The following AQR variants were observed in gnomAD, a reference collection of about 807,000 sequenced individuals.
AQR encodes aquarius intron-binding spliceosomal factor.
Under a neutral mutation model 180.5 loss-of-function variants are expected in AQR, and 61 were observed. The observed-to-expected ratio is 0.34, with a 90% CI of 0.28 to 0.42. AQR has a LOEUF of 0.42. Ranked by LOEUF, AQR falls within the 10% of genes least tolerant of loss-of-function variation. The pLI, the probability that AQR is intolerant of heterozygous loss-of-function variation, is 1.00. For missense variants in AQR, 1,281 were observed against 1,798.3 expected, an observed-to-expected ratio of 0.71 and a Z score of 5.20; for synonymous variants, 551 against 588.8, an observed-to-expected ratio of 0.94 and a Z score of 0.93.
chr15:34,889,645 A>G, intron 24 of AQR, among the ~76,000 whole-genome samples: 1 of 152,222 alleles, frequency 6.6e-6, no homozygotes, highest in South Asian at 2.1e-4. Context: ...TATAACCCCA[A>G]AGCTTATATT....
At chr15:34,948,157 TG>T (rs1316904715) in intron 5 of AQR, 106 bp downstream of exon 5, 2 of 1,244,456 alleles carry the variant, frequency 1.6e-6, no homozygotes, top group Non-Finnish European at 2.1e-6. Context: ...GCTTTATTAC[TG>T]GGTAAAGTTC....
chr15:34,893,886 G>T, intron 22 of AQR, 113 bp from the exon 23 acceptor site: 1 of 813,262 alleles, frequency 1.2e-6, no homozygotes, highest in Admixed American at 2.2e-5. Context: ...CAGTAGATGG[G>T]CCCAATAACA....
chr15:34,937,238 T>A (rs1421977189), intron 9 of AQR, among the ~76,000 whole-genome samples: 2 of 139,460 alleles, frequency 1.4e-5, no homozygotes, highest in Non-Finnish European at 3.2e-5. Context: ...GGGGTTTCAC[T>A]GTGGTCTCGA....
At position 34,873,991 on chromosome 15, in the gene AQR, T is replaced by C; in HGVS notation, c.3434A>G (p.Asn1145Ser). 1.3e-6 allele frequency: 2 copies of C among 1,593,868 alleles called. No homozygotes were observed. The highest frequency in any genetic ancestry group is 1.3e-5 in the African/African-American group (1 of 74,212). The change falls in exon 30 of 35, where the codon AAC (asparagine) becomes AGC (serine). Residue 1145 changes from asparagine (N) to serine (S), a missense_variant. Transcript: ENST00000156471. ...ATTCTTGTATCGCCAGTTGTAGAGG[T>C]TGCACAAGCTTTCCAAAGACAAATT... ...AQGRARASLC[N>S]LYNWRYKNLG...
chr15:34,857,496 T>C (rs1290179918), intron 34 of AQR, among the ~76,000 whole-genome samples: 1 of 151,852 alleles, frequency 6.6e-6, no homozygotes, highest in Non-Finnish European at 1.5e-5. Context: ...ATGGTGGCAT[T>C]CCCGGCACTT....
Position 34,856,935 on chromosome 15 carries a change from G to C in AQR, c.4315C>G (p.Pro1439Ala), listed in dbSNP as rs763883158. ...ETPAFQTDTT[P>A]SETGATSTPE... ...GTGGAAGTGGCTCCTGTCTCACTGG[G>C]GGTGGTGTCAGTTTGAAAGGCTGGA... The change falls in exon 35 of 35, where the codon CCC becomes GCC. Residue 1439 changes from proline to alanine, a missense_variant. Coordinates refer to ENST00000156471, the MANE Select transcript of AQR (RefSeq NM_014691.3). 6.2e-7 allele frequency: 1 copy of C among 1,614,074 alleles called. No individual in the cohort carries two copies. Among genetic ancestry groups the C allele is most frequent in the South Asian group, 1.1e-5 (1 of 91,068 alleles).
At chr15:34,962,316 C>G (rs908832143) in intron 2 of AQR, among the ~76,000 whole-genome samples, 30 of 152,220 alleles carry the variant, frequency 2.0e-4, no homozygotes, top group Admixed American at 8.5e-4. Context: ...GCCATGGTAC[C>G]TAGCCTATAA....
At chr15:34,933,946 C>T (rs1002330933) in intron 10 of AQR, among the ~76,000 whole-genome samples, 4 of 152,062 alleles carry the variant, frequency 2.6e-5, no homozygotes, top group Admixed American at 6.6e-5. Context: ...TATGGTGAAA[C>T]CCCGTCTCTA....
intron 17 of AQR, among the ~76,000 whole-genome samples, chr15:34,908,811 TA>T (rs1028162267): frequency 2.0e-5 from 3 of 152,198 alleles, no homozygotes; most frequent in African/African-American, 7.2e-5. Context: ...TCCTTTAAAA[TA>T]AACAAAATTC....
intron 27 of AQR, among the ~76,000 whole-genome samples, chr15:34,877,146 C>T (rs1266391994): frequency 6.6e-6 from 1 of 152,138 alleles, no homozygotes. Context: ...AAATTTCATT[C>T]CTTCTTCGAT....
At chr15:34,939,069 T>C (rs1893985785) in intron 8 of AQR, among the ~76,000 whole-genome samples, 1 of 152,156 alleles carries the variant, frequency 6.6e-6, no homozygotes, top group African/African-American at 2.4e-5. Context: ...TTTTCTTTTT[T>C]CTGCTTTTTT....
intron 16 of AQR, 109 bp downstream of exon 16, chr15:34,914,929 G>T: frequency 8.8e-7 from 1 of 1,140,916 alleles, no homozygotes; most frequent in South Asian, 2.1e-5. Flanking sequence ...ATTTTAGAGG[G>T]CACTTTTGTC....
Position 34,884,510 on chromosome 15 carries a change from C to T in AQR, c.3027+15G>A, listed in dbSNP as rs2140468304. On this transcript the variant is annotated intron_variant, in intron 26 of 34. Coordinates refer to ENST00000156471, the MANE Select transcript of AQR (RefSeq NM_014691.3). ...AACCACTAAAGGGAAGTTCAAAGAA[C>T]TTGAGAATCCTTACCTCAAGCTGCG... 1.3e-6 allele frequency: 2 copies of T among 1,553,506 alleles called. No individual in the cohort carries two copies. The highest frequency in any genetic ancestry group is 2.2e-4 in the Middle Eastern group (1 of 4,500).
intron 13 of AQR, 132 bp from the exon 14 acceptor site, chr15:34,920,566 A>T: frequency 1.5e-6 from 1 of 681,514 alleles, no homozygotes; most frequent in East Asian, 2.8e-5. Flanking sequence ...AAAAACCAGC[A>T]ATGAAAATTA....
chr15:34,858,876 T>G (rs544855990), intron 34 of AQR, among the ~76,000 whole-genome samples: 2 of 152,188 alleles, frequency 1.3e-5, no homozygotes, highest in Admixed American at 6.5e-5. Flanking sequence ...AACAACTGCA[T>G]ATCCACAGAC....
rs990868366 is a variant in AQR, at chr15:34,853,113, G to A, written c.*3679C>T. On this transcript the variant is annotated 3_prime_UTR_variant, in exon 35 of 35. Transcript: ENST00000156471. Reference sequence around the variant, plus strand: ...TGTCTTCATTTCCATCCTTGGCTCAGTACAGCTCCAGTTCCATTATTCTTA... The same window carrying A: ...TGTCTTCATTTCCATCCTTGGCTCAATACAGCTCCAGTTCCATTATTCTTA... 16 of 152,178 alleles carry A rather than the reference G, an allele frequency of 1.1e-4. No homozygotes were observed. Among genetic ancestry groups the A allele is most frequent in the African/African-American group, 3.1e-4 (13 of 41,426 alleles). The allele number at this position is 152,178 out of a possible 1,614,324, so 9.4% of individuals were successfully genotyped here. A position where few individuals can be genotyped will look rare whatever the true frequency, so the allele number is the denominator to read the frequency against.
intron 31 of AQR, chr15:34,869,838 T>A (rs1049222451): frequency 1.3e-5 from 2 of 152,194 alleles, no homozygotes; most frequent in African/African-American, 4.8e-5. Flanking sequence ...TATGGTTACT[T>A]CATTAAGTAT....
chr15:34,945,281 AC>A (rs1404538866), intron 5 of AQR, among the ~76,000 whole-genome samples: 1 of 152,194 alleles, frequency 6.6e-6, no homozygotes, highest in African/African-American at 2.4e-5. Context: ...ATTCAATTCA[AC>A]AGTTTTGTAT....
At chr15:34,941,589 G>A (rs985374081) in intron 7 of AQR, among the ~76,000 whole-genome samples, 1 of 152,068 alleles carries the variant, frequency 6.6e-6, no homozygotes, top group Non-Finnish European at 1.5e-5. Context: ...TACCTAAGAT[G>A]TATTAATTTG....
Sources: allele counts gnomAD v4.1 joint callset (sites outside exome capture counted in the v4.1 genomes callset), GRCh38; gene constraint gnomAD v4.1.1; transcripts MANE v1.5; gene names NCBI Gene and HGNC (gene_info 2026-07-23, HGNC 2026-07-21).